CCNYL1: variants seen among roughly 807,000 people sequenced by gnomAD.
CCNYL1 encodes cyclin Y like 1, also known as cyclin-Y-like protein 1.
In CCNYL1, 16 loss-of-function variants were observed where a neutral mutation model predicts 44.2. That is an observed-to-expected ratio of 0.36 (90% confidence interval 0.25 to 0.55). CCNYL1 has a LOEUF of 0.55. Among genes scored for constraint, CCNYL1 ranks in the 20% least tolerant of loss-of-function variants. The pLI, the probability that CCNYL1 is intolerant of heterozygous loss-of-function variation, is 0.85. For synonymous variants in CCNYL1, 159 were observed against 163.2 expected, an observed-to-expected ratio of 0.97 and a Z score of 0.20; for missense variants, 348 against 451.8, an observed-to-expected ratio of 0.77 and a Z score of 2.08.
chr2:207,711,880 AG>A lies in CCNYL1; in HGVS notation c.-15del. The A allele has an allele frequency of 7.3e-7, 1 of 1,361,982 alleles. No homozygotes were observed. The highest frequency in any genetic ancestry group is 9.5e-7 in the Non-Finnish European group (1 of 1,052,258). 84.4% of individuals were successfully genotyped at this position (1,361,982 alleles called of 1,614,324 possible). A position where few individuals can be genotyped will look rare whatever the true frequency, so the allele number is the denominator to read the frequency against. ...GGGGCGAGCGAAGGCGGTGGCAGAGAGGAGCGGAGGCTTCCCATGGGGAACA... is the reference window on the plus strand; with the variant it reads ...GGGGCGAGCGAAGGCGGTGGCAGAGAGAGCGGAGGCTTCCCATGGGGAACA... On this transcript the variant is annotated 5_prime_UTR_variant, in exon 1 of 10. Transcript: ENST00000295414.
intron 7 of CCNYL1, among the ~76,000 whole-genome samples, chr2:207,744,390 G>A (rs561632788): frequency 1.2e-4 from 18 of 151,670 alleles, no homozygotes; most frequent in African/African-American, 3.1e-4. Context: ...TTTGAGATGC[G>A]GAGTCTTGCT....
At chr2:207,718,975 TAA>T (rs567430818) in intron 1 of CCNYL1, among the ~76,000 whole-genome samples, 33 of 138,908 alleles carry the variant, frequency 2.4e-4, no homozygotes, top group African/African-American at 7.7e-4. Context: ...ATGGAGCTGT[TAA>T]AAAAAAAAAA....
rs910237696 is a variant in CCNYL1, at chr2:207,724,963, C to A, written c.295+89C>A. The A allele has an allele frequency of 6.0e-6, 6 of 992,490 alleles. No homozygotes were observed. In the African/African-American group the frequency reaches 9.9e-5, roughly 16 times the overall value. The allele number at this position is 992,490 out of a possible 1,614,324, so 61.5% of individuals were successfully genotyped here. A position where few individuals can be genotyped will look rare whatever the true frequency, so the allele number is the denominator to read the frequency against. On this transcript the variant is annotated intron_variant, in intron 2 of 9. Coordinates refer to ENST00000295414, the MANE Select transcript of CCNYL1 (RefSeq NM_001330218.2). The stretch of plus-strand genomic sequence containing the variant: ...GTATTATAGAAGGTATTTAGAAGAA[C>A]TGATGTATTAGTTTAAAATTTTCTT...
rs2091912362 is a variant in CCNYL1 at position 207,753,845 on chromosome 2, T to C, written c.*147T>C. 2 of 579,946 alleles carry C rather than the reference T, an allele frequency of 3.4e-6. No homozygotes were observed. Among genetic ancestry groups the C allele is most frequent in the Non-Finnish European group, 6.1e-6 (2 of 325,458 alleles). 35.9% of individuals were successfully genotyped at this position (579,946 alleles called of 1,614,324 possible). A position where few individuals can be genotyped will look rare whatever the true frequency, so the allele number is the denominator to read the frequency against. On this transcript the variant is annotated 3_prime_UTR_variant, in exon 10 of 10. Coordinates refer to ENST00000295414, the MANE Select transcript of CCNYL1 (RefSeq NM_001330218.2). ...TCAAGAGACTCATGGACAACAAGGA[T>C]TATACTCCACAGGAAAGAATGGGAC...
intron 1 of CCNYL1, chr2:207,714,382 C>G: frequency 2.4e-6 from 1 of 416,390 alleles, no homozygotes; most frequent in Non-Finnish European, 4.6e-6. Flanking sequence ...GCCTCGAACT[C>G]CTGGCCTGGG....
chr2:207,717,428 G>C (rs7582570), intron 1 of CCNYL1, among the ~76,000 whole-genome samples: 1 of 152,082 alleles, frequency 6.6e-6, no homozygotes, highest in Non-Finnish European at 1.5e-5. Flanking sequence ...ATTTAGGGCA[G>C]ACAGTGGTAT....
chr2:207,736,339 C>CT (rs2091764303), intron 4 of CCNYL1, among the ~76,000 whole-genome samples: 1 of 152,314 alleles, frequency 6.6e-6, no homozygotes, highest in Admixed American at 6.5e-5. Flanking sequence ...AGTTTAGAGA[C>CT]TGAGGGCAAA....
chr2:207,745,369 A>G (rs1166616669), intron 7 of CCNYL1, among the ~76,000 whole-genome samples: 3 of 152,208 alleles, frequency 2.0e-5, no homozygotes, highest in Non-Finnish European at 4.4e-5. Flanking sequence ...ACAGGAGGGC[A>G]AGTGGTATCA....
intron 1 of CCNYL1, among the ~76,000 whole-genome samples, chr2:207,717,280 T>C (rs2091604642): frequency 6.6e-6 from 1 of 152,306 alleles, no homozygotes; most frequent in South Asian, 2.1e-4. Context: ...TTAAAAGATT[T>C]GATTAGATGA....
chr2:207,755,274 G>A lies in CCNYL1; in HGVS notation c.*1576G>A, dbSNP rs2091923925. The A allele has an allele frequency of 1.3e-5, 2 of 152,316 alleles. No individual in the cohort carries two copies. The highest frequency in any genetic ancestry group is 4.1e-4 in the South Asian group (2 of 4,824). 9.4% of individuals were successfully genotyped at this position (152,316 alleles called of 1,614,324 possible). A position where few individuals can be genotyped will look rare whatever the true frequency, so the allele number is the denominator to read the frequency against. ...ATGTGTCTGTAGTCCCAGCCACTCT[G>A]GAGGCTAAGGTGGGAGGATCAGTAG... On this transcript the variant is annotated 3_prime_UTR_variant, in exon 10 of 10. Transcript: ENST00000295414.
chr2:207,743,011 T>C (rs1243256739), intron 7 of CCNYL1, among the ~76,000 whole-genome samples: 2 of 152,254 alleles, frequency 1.3e-5, no homozygotes, highest in African/African-American at 4.8e-5. Context: ...AGGATTGTTT[T>C]ACTCCTCCCC....
intron 5 of CCNYL1, among the ~76,000 whole-genome samples, chr2:207,737,737 C>A (rs1409930254): frequency 6.6e-6 from 1 of 151,542 alleles, no homozygotes; most frequent in Admixed American, 6.6e-5. Flanking sequence ...TCAACGTTGG[C>A]ACTGTTGATA....
At chr2:207,729,130 T>TA (rs1449673194) in intron 3 of CCNYL1, among the ~76,000 whole-genome samples, 1 of 152,094 alleles carries the variant, frequency 6.6e-6, no homozygotes, top group East Asian at 1.9e-4. Context: ...CCAATAAGTC[T>TA]GTAGACTATG....
intron 1 of CCNYL1, among the ~76,000 whole-genome samples, chr2:207,719,982 G>A (rs777892954): frequency 2.0e-5 from 3 of 152,128 alleles, no homozygotes; most frequent in Non-Finnish European, 4.4e-5. Context: ...GAGGTCAGGA[G>A]ATGGAGACCA....
intron 5 of CCNYL1, among the ~76,000 whole-genome samples, chr2:207,740,444 TCA>T (rs1171853101): frequency 6.6e-6 from 1 of 152,186 alleles, no homozygotes; most frequent in East Asian, 1.9e-4. Context: ...AGAAAAGACC[TCA>T]CAGTACAGAA....
intron 1 of CCNYL1, among the ~76,000 whole-genome samples, chr2:207,723,874 C>CAAAAAA (rs58432475): frequency 1.9e-5 from 1 of 53,348 alleles, no homozygotes. Flanking sequence ...GACTCCATCT[C>CAAAAAA]AAAAAAAAAA....
In CCNYL1 at chr2:207,733,985, C is replaced by G; in HGVS notation, c.369C>G (p.Cys123Trp). Residue 123 changes from cysteine (C) to tryptophan (W), a missense_variant, in exon 4 of 10, where the codon TGC becomes TGG. This residue lies in a region of CCNYL1 where 209 missense variants were observed against 247.7 expected (regional missense o/e 0.84). Coordinates refer to ENST00000295414, the MANE Select transcript of CCNYL1 (RefSeq NM_001330218.2). Reference sequence around the variant, plus strand: ...AGCTTACTAAAAAGTATAGCTCATGCTCAACAATATTTCTAGATGACAGCA... The same window carrying G: ...AGCTTACTAAAAAGTATAGCTCATGGTCAACAATATTTCTAGATGACAGCA... ...PGQLTKKYSS[C>W]STIFLDDSTV... is the part of the protein sequence containing the mutation. 1 of 1,613,582 alleles carries G rather than the reference C, an allele frequency of 6.2e-7. No individual in the cohort carries two copies. Among genetic ancestry groups the G allele is most frequent in the Non-Finnish European group, 8.5e-7 (1 of 1,179,614 alleles).
intron 7 of CCNYL1, among the ~76,000 whole-genome samples, chr2:207,743,227 G>A (rs1266240365): frequency 6.6e-6 from 1 of 152,238 alleles, no homozygotes; most frequent in Non-Finnish European, 1.5e-5. Context: ...ATACTGTAGA[G>A]AAGCAGGAGT....
chr2:207,746,278 A>G (rs149717928), intron 7 of CCNYL1, among the ~76,000 whole-genome samples: 1 of 152,372 alleles, frequency 6.6e-6, no homozygotes, highest in East Asian at 1.9e-4. Flanking sequence ...AGCTAGTGCC[A>G]CAAAAGGGTT....
Sources: allele counts gnomAD v4.1 joint callset (sites outside exome capture counted in the v4.1 genomes callset), GRCh38; gene constraint gnomAD v4.1.1; regional missense constraint gnomAD v4.1.1; transcripts MANE v1.5; gene names NCBI Gene and HGNC (gene_info 2026-07-23, HGNC 2026-07-21).